The following TXNDC5 variants were observed in gnomAD, a reference collection of about 807,000 sequenced individuals.
TXNDC5 encodes thioredoxin domain-containing protein 5.
TXNDC5 carries 44 observed loss-of-function variants against 52.6 expected under a neutral mutation model. That is an observed-to-expected ratio of 0.84 (90% CI 0.66 to 1.08). TXNDC5 has a LOEUF of 1.08. TXNDC5 is among the 50% of genes least tolerant of loss of function. The probability of loss-of-function intolerance (pLI) is 0.00; values close to 1 mark genes in which losing one functional copy is unlikely to be tolerated. For synonymous variants in TXNDC5, 241 were observed against 234.4 expected, an observed-to-expected ratio of 1.03 and a Z score of -0.26; for missense variants, 600 against 565.5, an observed-to-expected ratio of 1.06 and a Z score of -0.62.
At chr6:7,906,546 AAAAAAAAAAAAG>A (rs1235488161) in intron 1 of TXNDC5, among the ~76,000 whole-genome samples, 54 of 150,242 alleles carry the variant, frequency 3.6e-4, no homozygotes, top group East Asian at 1.9e-3. Context: ...AAAAAAAAAA[AAAAAAAAAAAAG>A]AAAAACAGAC....
Position 7,892,478 on chromosome 6 carries a change from A to C in TXNDC5, c.617-742T>G, listed in dbSNP as rs1277252733. On this transcript the variant is annotated intron_variant, in intron 4 of 9. Transcript: ENST00000379757. ...TAAACACATACACATATAGAACTATAGTGCTCAGGAATGTGCACTTCAGTG... is the reference window on the plus strand; with the variant it reads ...TAAACACATACACATATAGAACTATCGTGCTCAGGAATGTGCACTTCAGTG... 2.6e-5 allele frequency among the ~76,000 whole-genome samples: 4 copies of C among 152,268 alleles called. No homozygotes were observed. In the East Asian group the frequency reaches 7.7e-4, roughly 29 times the overall value.
At chr6:7,897,153 T>C (rs1269738492) in intron 3 of TXNDC5, among the ~76,000 whole-genome samples, 1 of 152,064 alleles carries the variant, frequency 6.6e-6, no homozygotes, top group African/African-American at 2.4e-5. Context: ...TAAAATAATA[T>C]AAGACATGAT....
At chr6:7,893,373 C>T (rs1477194252) in intron 4 of TXNDC5, among the ~76,000 whole-genome samples, 1 of 152,238 alleles carries the variant, frequency 6.6e-6, no homozygotes, top group African/African-American at 2.4e-5. Context: ...AAAGCTGAAA[C>T]CATGTGCAGG....
intron 1 of TXNDC5, chr6:7,910,146 C>G (rs1041466488): frequency 1.0e-6 from 1 of 988,606 alleles, no homozygotes; most frequent in Admixed American, 6.1e-5. Flanking sequence ...TCCCGCACCG[C>G]CCCGGCCGCC....
At chr6:7,886,169 C>A in intron 7 of TXNDC5, 126 bp from the exon 8 acceptor site, 1 of 731,906 alleles carries the variant, frequency 1.4e-6, no homozygotes. Context: ...TCCAAGGTCA[C>A]ACAGAAATAC....
In TXNDC5 at chr6:7,910,520, G is replaced by T. The variant is rs1760884195; in HGVS notation, c.257C>A (p.Ala86Glu). ...CCGGCCTGCGCGGCGTTACCAGGGC[G>T]CGAAGAACATGACGAAGTGCGCGGC... Reference protein sequence around the residue: ...QSAAHFVMFFAPWCGHCQRLQ... With the variant: ...QSAAHFVMFFEPWCGHCQRLQ... The change falls in exon 1 of 10, where the codon GCG (alanine) becomes GAG (glutamate). Residue 86 changes from alanine (A) to glutamate (E), a missense_variant. Physicochemically the swap from Ala to Glu is moderately radical, Grantham distance 107. Coordinates refer to ENST00000379757, the MANE Select transcript of TXNDC5 (RefSeq NM_030810.5). 6.9e-7 allele frequency: 1 copy of T among 1,443,194 alleles called. No individual in the cohort carries two copies. Among genetic ancestry groups the T allele is most frequent in the Non-Finnish European group, 9.2e-7 (1 of 1,087,018 alleles). The allele number at this position is 1,443,194 out of a possible 1,614,324, so 89.4% of individuals were successfully genotyped here.
Position 7,884,349 on chromosome 6 carries a change from A to C in TXNDC5, c.1176+10T>G. On this transcript the variant is annotated intron_variant, in intron 9 of 9. Transcript: ENST00000379757. ...TGAGAGCTCCCATAAGCATCCATCC[A>C]AGTACCCACCGAATACTTGCTGCAG... 1.3e-5 allele frequency: 21 copies of C among 1,613,926 alleles called. No homozygotes were observed. The highest frequency in any genetic ancestry group is 1.8e-5 in the Non-Finnish European group (21 of 1,179,878).
At chr6:7,894,685 A>T in intron 4 of TXNDC5, 2 of 963,634 alleles carry the variant, frequency 2.1e-6, no homozygotes, top group Non-Finnish European at 2.5e-6. Context: ...ATGCTGACAG[A>T]GGGATACAAA....
rs879244194 is a variant in TXNDC5, at chr6:7,881,642, A to G, written c.*1502T>C. On this transcript the variant is annotated 3_prime_UTR_variant, in exon 10 of 10. Coordinates refer to ENST00000379757, the MANE Select transcript of TXNDC5 (RefSeq NM_030810.5). ...AAGTTGTGTGTACAAGACTCTTGAC[A>G]GTTGTGCTTCTCTAGGAGGTTGGGT... 2.0e-5 allele frequency: 3 copies of G among 151,892 alleles called. No homozygotes were observed. The highest frequency in any genetic ancestry group is 4.1e-4 in the South Asian group (2 of 4,826). The allele number at this position is 151,892 out of a possible 1,614,324, so 9.4% of individuals were successfully genotyped here.
chr6:7,897,549 T>A (rs1229502714), intron 3 of TXNDC5, among the ~76,000 whole-genome samples: 1 of 152,180 alleles, frequency 6.6e-6, no homozygotes, highest in Non-Finnish European at 1.5e-5. Flanking sequence ...GACACTAAAA[T>A]ATGGCAAGTT....
intron 1 of TXNDC5, among the ~76,000 whole-genome samples, chr6:7,907,521 A>C (rs1760776629): frequency 6.6e-6 from 1 of 152,270 alleles, no homozygotes; most frequent in South Asian, 2.1e-4. Flanking sequence ...ATAACCCTGC[A>C]GAAGCCAAGT....
chr6:7,906,558 G>C (rs4960366), intron 1 of TXNDC5, among the ~76,000 whole-genome samples: 2 of 115,470 alleles, frequency 1.7e-5, no homozygotes, highest in East Asian at 2.5e-4. Flanking sequence ...AAAAAAAAAA[G>C]AAAAACAGAC....
chr6:7,891,767 G>A (rs752359464), intron 4 of TXNDC5, 31 bp from the exon 5 acceptor site: 45 of 1,509,146 alleles, frequency 3.0e-5, no homozygotes, highest in Non-Finnish European at 4.0e-5. Flanking sequence ...AGAGACGGGG[G>A]AAAGAGGAAC....
At chr6:7,901,074 G>A (rs964495662) in intron 2 of TXNDC5, among the ~76,000 whole-genome samples, 1 of 152,130 alleles carries the variant, frequency 6.6e-6, no homozygotes, top group Admixed American at 6.5e-5. Flanking sequence ...CATAGGTAGG[G>A]TCCCTAATGT....
intron 3 of TXNDC5, among the ~76,000 whole-genome samples, chr6:7,898,281 C>G (rs1395792716): frequency 6.6e-6 from 1 of 152,182 alleles, no homozygotes; most frequent in Admixed American, 6.5e-5. Flanking sequence ...GTCTTGAACT[C>G]TTGACCTTGG....
At position 7,895,115 on chromosome 6, in the gene TXNDC5, C is replaced by T. The variant is rs58711083; in HGVS notation, c.607G>A (p.Val203Ile). The T allele has an allele frequency of 1.7e-3, 2,745 of 1,613,678 alleles. 34 individuals are homozygous for T. In the African/African-American group the frequency reaches 0.028, roughly 16 times the overall value. Residue 203 changes from valine to isoleucine, a missense_variant, in exon 4 of 10, where the codon GTT (valine) becomes ATT (isoleucine). Coordinates refer to ENST00000379757, the MANE Select transcript of TXNDC5 (RefSeq NM_030810.5). ...AGGACGTCCCCCTTACCTTGTGCAA[C>T]GTGCAGCTCAAAGTTGCTTGCTGAG... The part of the protein sequence containing the change: ...ELSASNFELH[V>I]AQGDHFIKFF...
intron 1 of TXNDC5, among the ~76,000 whole-genome samples, chr6:7,909,066 A>G (rs939613160): frequency 7.9e-5 from 12 of 152,236 alleles, no homozygotes; most frequent in Non-Finnish European, 1.3e-4. Flanking sequence ...GTGAAACATA[A>G]TGTACTTCAT....
At position 7,906,334 on chromosome 6, in the gene TXNDC5, G is replaced by A. The variant is rs529247277; in HGVS notation, c.264-1611C>T. On this transcript the variant is annotated intron_variant, in intron 1 of 9. Transcript: ENST00000379757. ...AAGCGGATCACAAGGTCAGGAGTTC[G>A]AGACCAGCCTGACCAACAAGGTGAA... 3.9e-5 allele frequency among the ~76,000 whole-genome samples: 6 copies of A among 152,058 alleles called. No homozygotes were observed. The South Asian group carries it at 6.2e-4, about 16-fold the overall frequency.
intron 2 of TXNDC5, among the ~76,000 whole-genome samples, chr6:7,900,991 C>T (rs1760546885): frequency 1.3e-5 from 2 of 152,138 alleles, no homozygotes; most frequent in African/African-American, 4.8e-5. Context: ...AATGAAGTCA[C>T]ATGGCTAGAT....
Sources: gnomAD v4.1 joint callset for allele counts (sites outside exome capture counted in the v4.1 genomes callset) on GRCh38, gnomAD v4.1.1 for gene constraint, MANE v1.5 for transcripts, NCBI Gene and HGNC (gene_info 2026-07-23, HGNC 2026-07-21) for gene names.